The following SCARB1 variants were observed in gnomAD, a reference collection of about 807,000 sequenced individuals.
SCARB1 encodes the protein CD36 and LIMPII analogous 1.
In SCARB1, 30 loss-of-function variants were observed where a neutral mutation model predicts 57.2. That is an observed-to-expected ratio of 0.52 (90% CI 0.39 to 0.71). The LOEUF is 0.71. SCARB1 is among the 30% of genes least tolerant of loss of function. The pLI, the probability that SCARB1 is intolerant of heterozygous loss-of-function variation, is 0.00. For missense variants in SCARB1, 543 were observed against 671.2 expected (o/e 0.81, Z 2.11); for synonymous variants, 249 against 268.3 (o/e 0.93, Z 0.70).
intron 1 of SCARB1, among the ~76,000 whole-genome samples, chr12:124,829,168 G>A (rs1951285980): frequency 6.6e-6 from 1 of 152,202 alleles, no homozygotes; most frequent in Admixed American, 6.5e-5. Context: ...CGAAGAGGTT[G>A]AGTCATTCCT....
At position 124,778,543 on chromosome 12, in the gene SCARB1, G is replaced by T. The variant is rs1059413; in HGVS notation, c.*44C>A. 3 of 1,381,528 alleles carry T rather than the reference G, an allele frequency of 2.2e-6. No individual in the cohort carries two copies. In the East Asian group the frequency reaches 9.2e-5, roughly 43 times the overall value. 85.6% of individuals were successfully genotyped at this position (1,381,528 alleles called of 1,614,324 possible). A position where few individuals can be genotyped will look rare whatever the true frequency, so the allele number is the denominator to read the frequency against. Reference sequence around the variant, plus strand: ...GGTGTAGGGGCTGGGGGGCCGGTCAGGCCCAGCGGCCAGGCCTGGCTGGCT... The same window carrying T: ...GGTGTAGGGGCTGGGGGGCCGGTCATGCCCAGCGGCCAGGCCTGGCTGGCT... On this transcript the variant is annotated 3_prime_UTR_variant, in exon 13 of 13. Coordinates refer to ENST00000261693, the MANE Select transcript of SCARB1 (RefSeq NM_005505.5).
At chr12:124,826,594 A>G (rs545089466) in intron 1 of SCARB1, among the ~76,000 whole-genome samples, 5 of 151,984 alleles carry the variant, frequency 3.3e-5, no homozygotes, top group African/African-American at 1.2e-4. Flanking sequence ...CAAGGCACAT[A>G]CCACCACGCC....
At chr12:124,783,366 G>A (rs1011288054) in intron 11 of SCARB1, 2 of 152,650 alleles carry the variant, frequency 1.3e-5, no homozygotes, top group Non-Finnish European at 2.9e-5. Context: ...TTACAGGCAA[G>A]AGCCACCATA....
chr12:124,806,451 G>A (rs555421002), intron 7 of SCARB1, among the ~76,000 whole-genome samples: 141 of 152,278 alleles, frequency 9.3e-4, no homozygotes, highest in Admixed American at 3.6e-3. Flanking sequence ...CCCACACTGC[G>A]GAACGAGAAG....
intron 1 of SCARB1, among the ~76,000 whole-genome samples, chr12:124,842,531 A>T (rs1232192447): frequency 1.3e-5 from 2 of 152,214 alleles, no homozygotes; most frequent in Non-Finnish European, 2.9e-5. Flanking sequence ...AAGGACACAG[A>T]TGCCCAGGCC....
At chr12:124,809,123 T>G (rs1950430737) in intron 6 of SCARB1, among the ~76,000 whole-genome samples, 1 of 151,352 alleles carries the variant, frequency 6.6e-6, no homozygotes, top group Non-Finnish European at 1.5e-5. Context: ...ACTGAGTATT[T>G]GGAGGTAAGG....
Position 124,843,291 on chromosome 12 carries a change from G to T in SCARB1, c.126+20304C>A, listed in dbSNP as rs960767515. Among the ~76,000 whole-genome samples the T allele has an allele frequency of 4.0e-3, 76 of 19,040 alleles. 1 individual carries two copies. The highest frequency in any genetic ancestry group is 7.8e-3 in the Non-Finnish European group (63 of 8,074). The allele number at this position is 19,040 out of a possible 152,430, so 12.5% of individuals were successfully genotyped here. On this transcript the variant is annotated intron_variant, in intron 1 of 12. Coordinates refer to ENST00000261693, the MANE Select transcript of SCARB1 (RefSeq NM_005505.5). Reference sequence around the variant, plus strand: ...TTTGTTTCTTACTTTCTGTGGAGATGGGGGGGGGGGTCTTACTATGTTACC... The same window carrying T: ...TTTGTTTCTTACTTTCTGTGGAGATTGGGGGGGGGGTCTTACTATGTTACC...
At chr12:124,826,102 G>T (rs888022933) in intron 1 of SCARB1, among the ~76,000 whole-genome samples, 1 of 152,082 alleles carries the variant, frequency 6.6e-6, no homozygotes, top group African/African-American at 2.4e-5. Flanking sequence ...GGAGGCCGAG[G>T]TGGGAGGATC....
intron 1 of SCARB1, among the ~76,000 whole-genome samples, chr12:124,846,198 A>G (rs1413156191): frequency 6.6e-6 from 1 of 152,216 alleles, no homozygotes; most frequent in East Asian, 1.9e-4. Flanking sequence ...TATTCGATTT[A>G]CAAGGATTAA....
chr12:124,809,406 G>A (rs1470685664), intron 6 of SCARB1, among the ~76,000 whole-genome samples: 6 of 152,134 alleles, frequency 3.9e-5, no homozygotes, highest in Non-Finnish European at 5.9e-5. Flanking sequence ...GCAACATAGC[G>A]AGATCCCCAT....
chr12:124,828,257 C>G lies in SCARB1; in HGVS notation c.127-10550G>C, dbSNP rs1423947565. 2.6e-5 allele frequency among the ~76,000 whole-genome samples: 4 copies of G among 152,070 alleles called. No homozygotes were observed. In the East Asian group the frequency reaches 7.7e-4, roughly 29 times the overall value. Reference sequence around the variant, plus strand: ...CATTCTCTTCCTACCACCCACAGCACTCTCCCCTGCACCTGGAGAGGCCCC... The same window carrying G: ...CATTCTCTTCCTACCACCCACAGCAGTCTCCCCTGCACCTGGAGAGGCCCC... On this transcript the variant is annotated intron_variant, in intron 1 of 12. Coordinates refer to ENST00000261693, the MANE Select transcript of SCARB1 (RefSeq NM_005505.5).
intron 1 of SCARB1, among the ~76,000 whole-genome samples, chr12:124,857,191 G>A (rs935866261): frequency 3.3e-5 from 5 of 152,212 alleles, no homozygotes; most frequent in African/African-American, 9.6e-5. Context: ...TGATTCAACC[G>A]CTTGGAGCTA....
intron 11 of SCARB1, 48 bp downstream of exon 11, chr12:124,786,305 AGCAG>A (rs1219942290): frequency 1.2e-6 from 2 of 1,608,836 alleles, no homozygotes; most frequent in Admixed American, 3.3e-5. Flanking sequence ...CCTTTCCCCC[AGCAG>A]GCAAGCGAAT....
intron 11 of SCARB1, chr12:124,783,190 T>C (rs1036388865): frequency 2.6e-4 from 59 of 223,844 alleles, no homozygotes; most frequent in Middle Eastern, 1.8e-3. Context: ...TGATTTATTT[T>C]AAAAGAATGA....
intron 1 of SCARB1, among the ~76,000 whole-genome samples, chr12:124,859,698 G>A (rs1010835430): frequency 2.6e-5 from 4 of 152,100 alleles, no homozygotes; most frequent in African/African-American, 4.8e-5. Flanking sequence ...GGCAGGGCGC[G>A]GTGGTTCACA....
chr12:124,793,687 C>A (rs536861943), intron 9 of SCARB1, among the ~76,000 whole-genome samples: 204 of 119,734 alleles, frequency 1.7e-3, no homozygotes, highest in Non-Finnish European at 2.4e-3. Flanking sequence ...AGCGAGACTC[C>A]GTCTCAAAAA....
chr12:124,813,998 C>G (rs1272819063), intron 4 of SCARB1, among the ~76,000 whole-genome samples: 1 of 152,166 alleles, frequency 6.6e-6, no homozygotes, highest in African/African-American at 2.4e-5. Flanking sequence ...TACCTGAATC[C>G]AACCCTAGCA....
Position 124,800,013 on chromosome 12 carries a change from G to T in SCARB1, c.1128+111C>A. 2 of 835,132 alleles carry T rather than the reference G, an allele frequency of 2.4e-6. No homozygotes were observed. The highest frequency in any genetic ancestry group is 2.1e-6 in the Non-Finnish European group (1 of 482,288). 51.7% of individuals were successfully genotyped at this position (835,132 alleles called of 1,614,324 possible). A position where few individuals can be genotyped will look rare whatever the true frequency, so the allele number is the denominator to read the frequency against. On this transcript the variant is annotated intron_variant, in intron 8 of 12. Coordinates refer to ENST00000261693, the MANE Select transcript of SCARB1 (RefSeq NM_005505.5). This position sits in a 1 kb window ranked among gnomAD's most constrained non-coding sequence, Gnocchi z 4.8. ...GGTGGCTCGAGATTCTAGAAGCCAG[G>T]CTTCCCACCACCCCAGCCCACAGCA...
At chr12:124,844,763 T>C (rs1952071814) in intron 1 of SCARB1, among the ~76,000 whole-genome samples, 1 of 151,908 alleles carries the variant, frequency 6.6e-6, no homozygotes, top group Non-Finnish European at 1.5e-5. Context: ...TGTACGGGAA[T>C]ACATGGTCTT....
Sources: allele counts gnomAD v4.1 joint callset (sites outside exome capture counted in the v4.1 genomes callset), GRCh38; gene constraint gnomAD v4.1.1; non-coding constraint Gnocchi (gnomAD v3.1); transcripts MANE v1.5; gene names NCBI Gene and HGNC (gene_info 2026-07-23, HGNC 2026-07-21).